The following LRP1 variants were observed in gnomAD, a reference collection of about 807,000 sequenced individuals.
LRP1 encodes the protein LDL receptor related protein 1.
In LRP1, 51 loss-of-function variants were observed where a neutral mutation model predicts 541.5. The ratio of observed to expected loss-of-function variants is 0.09; its 90% confidence interval spans 0.08 to 0.12. The LOEUF (loss-of-function observed/expected upper bound fraction) is 0.12. LRP1 is among the 10% of genes least tolerant of loss of function. LRP1 has a pLI of 1.00. For missense variants in LRP1, 3,878 were observed against 6,376.2 expected, an observed-to-expected ratio of 0.61 and a Z score of 13.34; for synonymous variants, 2,219 against 2,470.8, an observed-to-expected ratio of 0.90 and a Z score of 3.02.
chr12:57,129,815 G>A (rs879377690), intron 1 of LRP1, among the ~76,000 whole-genome samples: 1 of 152,172 alleles, frequency 6.6e-6, no homozygotes, highest in Non-Finnish European at 1.5e-5. Flanking sequence ...GTAGGAGGGT[G>A]GGGGAGGCTG....
At chr12:57,208,492 C>T (rs2036835670) in intron 77 of LRP1, 1 of 591,044 alleles carries the variant, frequency 1.7e-6, no homozygotes, top group Non-Finnish European at 3.0e-6. Flanking sequence ...ACAGCTCTGC[C>T]AGCGTCGGTG....
intron 3 of LRP1, among the ~76,000 whole-genome samples, chr12:57,143,123 G>A (rs1024581739): frequency 6.6e-6 from 1 of 152,140 alleles, no homozygotes; most frequent in African/African-American, 2.4e-5. Flanking sequence ...GATTAGAAAA[G>A]AATCCAGAGG....
chr12:57,184,360 C>T lies in LRP1; in HGVS notation c.6094C>T (p.Arg2032Cys), dbSNP rs750999147. 21 of 1,614,206 alleles carry T rather than the reference C, an allele frequency of 1.3e-5. No homozygotes were observed. The highest frequency in any genetic ancestry group is 1.8e-5 in the Non-Finnish European group (21 of 1,180,046). Reference sequence around the variant, plus strand: ...CTGGACTGAGTGGGGTCAGTATCCGCGTATTGAGCGGTCTCGGCTAGATGG... The same window carrying T: ...CTGGACTGAGTGGGGTCAGTATCCGTGTATTGAGCGGTCTCGGCTAGATGG... ...LFWTEWGQYP[R>C]IERSRLDGTE... The change falls in exon 38 of 89, where the codon CGT becomes TGT. Residue 2032 changes from arginine (R) to cysteine (C), a missense_variant. By Grantham distance (180) the Arg-to-Cys change is radical. This residue lies in a region of LRP1 where 1,100 missense variants were observed against 1,827.4 expected (regional missense o/e 0.60). Coordinates refer to ENST00000243077, the MANE Select transcript of LRP1 (RefSeq NM_002332.3). This position sits in a 1 kb window ranked among gnomAD's most constrained non-coding sequence, Gnocchi z 7.8.
chr12:57,176,747 A>G (rs569451076), intron 24 of LRP1, among the ~76,000 whole-genome samples: 2 of 152,292 alleles, frequency 1.3e-5, no homozygotes, highest in South Asian at 4.1e-4. Context: ...AGGCACACAC[A>G]TAATGTATTA....
Position 57,202,019 on chromosome 12 carries a change from C to CTGCTGGGCT in LRP1, c.10594+116_10594+124dup, listed in dbSNP as rs563325209. On this transcript the variant is annotated intron_variant, in intron 67 of 88. Coordinates refer to ENST00000243077, the MANE Select transcript of LRP1 (RefSeq NM_002332.3). ...GCTTACCGGTCTCAGCGTGGCCCTG[C>CTGCTGGGCT]TGCTGGGCTTCCTGGGCCTGCTGTG... The CTGCTGGGCT allele has an allele frequency of 6.7e-3, 9,416 of 1,403,706 alleles. 47 individuals carry two copies. Among genetic ancestry groups the CTGCTGGGCT allele is most frequent in the Middle Eastern group, 8.3e-3 (42 of 5,080 alleles). The allele number at this position is 1,403,706 out of a possible 1,614,324, so 87.0% of individuals were successfully genotyped here. A position where few individuals can be genotyped will look rare whatever the true frequency, so the allele number is the denominator to read the frequency against.
chr12:57,169,424 G>A, intron 20 of LRP1, 117 bp downstream of exon 20: 1 of 1,028,992 alleles, frequency 9.7e-7, no homozygotes, highest in East Asian at 2.7e-5. Flanking sequence ...GGAGCCAGAG[G>A]TAGCCTAGGC....
At position 57,179,734 on chromosome 12, in the gene LRP1, C is replaced by A; in HGVS notation, c.4967-48C>A. On this transcript the variant is annotated intron_variant, in intron 29 of 88. Transcript: ENST00000243077. The surrounding 1 kb of genome is among the most constrained non-coding windows in gnomAD (Gnocchi z 6.8). Reference sequence around the variant, plus strand: ...AGGCACACTGGCTCCCCTCCTGACCCACTGCCCTGCAGACACCCAACAACT... The same window carrying A: ...AGGCACACTGGCTCCCCTCCTGACCAACTGCCCTGCAGACACCCAACAACT... 6.4e-7 allele frequency: 1 copy of A among 1,573,860 alleles called. No homozygotes were observed. The highest frequency in any genetic ancestry group is 8.7e-7 in the Non-Finnish European group (1 of 1,149,360).
At chr12:57,200,133 C>A in intron 62 of LRP1, 108 bp downstream of exon 62, 1 of 926,074 alleles carries the variant, frequency 1.1e-6, no homozygotes, top group Non-Finnish European at 1.6e-6. Context: ...ATCTGGTTTT[C>A]CCACACTAAC....
At chr12:57,153,408 C>T (rs1041018004) in intron 6 of LRP1, among the ~76,000 whole-genome samples, 2 of 152,172 alleles carry the variant, frequency 1.3e-5, no homozygotes, top group Admixed American at 1.3e-4. Context: ...CAGCTGGGCT[C>T]CATCTCCTTC....
chr12:57,208,516 A>T (rs1485471185), intron 77 of LRP1, 195 bp from the exon 78 acceptor site: 1 of 591,422 alleles, frequency 1.7e-6, no homozygotes, highest in Non-Finnish European at 3.0e-6. Context: ...CTGAATGAGC[A>T]CACTGTGGTT....
Position 57,180,719 on chromosome 12 carries a change from C to A in LRP1, c.5439C>A (p.Ser1813Arg). The A allele has an allele frequency of 6.2e-7, 1 of 1,614,086 alleles. No individual in the cohort carries two copies. Among genetic ancestry groups the A allele is most frequent in the Non-Finnish European group, 8.5e-7 (1 of 1,179,930 alleles). Residue 1813 changes from serine to arginine, a missense_variant, in exon 33 of 89, where the codon AGC becomes AGA. Around this residue, in one of 13 missense-constraint regions of LRP1, gnomAD observed 394 missense variants for 635.9 expected, o/e 0.62. Transcript: ENST00000243077. ...TGTCGGAAAAGATGGGCACATGCAG[C>A]AAGGCTGACGGCTCGGGCTCCGTGG... ...DQVSEKMGTC[S>R]KADGSGSVVL...
In LRP1 at chr12:57,199,281, G is replaced by A; in HGVS notation, c.9746G>A (p.Trp3249Ter). 6.2e-7 allele frequency: 1 copy of A among 1,613,948 alleles called. No individual in the cohort carries two copies. Among genetic ancestry groups the A allele is most frequent in the Non-Finnish European group, 8.5e-7 (1 of 1,179,996 alleles). The change falls in exon 61 of 89, where the codon TGG (tryptophan) becomes TAG (stop). Residue 3249 changes from tryptophan to a stop codon, truncating the protein, a stop_gained. Coordinates refer to ENST00000243077, the MANE Select transcript of LRP1 (RefSeq NM_002332.3). LOFTEE classifies it high-confidence loss of function. ...GAGGACTACGTCTACTGGACCGACT[G>A]GGAAACAAAGTCCATTAACCGAGCC... is the stretch of plus-strand genomic sequence containing the variant. The part of the protein sequence containing the change: ...LFEDYVYWTD[W>*]ETKSINRAHK...
chr12:57,172,409 T>C (rs2035964072), intron 20 of LRP1, among the ~76,000 whole-genome samples: 1 of 152,200 alleles, frequency 6.6e-6, no homozygotes, highest in South Asian at 2.1e-4. Flanking sequence ...GACCTCGTGA[T>C]CCGCCCGCCT....
chr12:57,161,676 C>T (rs940650531), intron 13 of LRP1, among the ~76,000 whole-genome samples: 2 of 152,166 alleles, frequency 1.3e-5, no homozygotes, highest in African/African-American at 2.4e-5. Flanking sequence ...TCCCAGCACA[C>T]GTCACAGAGC....
Position 57,204,236 on chromosome 12 carries a change from A to T in LRP1, c.10952-174A>T, listed in dbSNP as rs1592660389. 38 of 706,146 alleles carry T rather than the reference A, an allele frequency of 5.4e-5. 1 individual carries two copies. In the South Asian group the frequency reaches 1.1e-3, roughly 20 times the overall value. The allele number at this position is 706,146 out of a possible 1,614,324, so 43.7% of individuals were successfully genotyped here. A position where few individuals can be genotyped will look rare whatever the true frequency, so the allele number is the denominator to read the frequency against. On this transcript the variant is annotated intron_variant, in intron 70 of 88. Coordinates refer to ENST00000243077, the MANE Select transcript of LRP1 (RefSeq NM_002332.3). This position sits in a 1 kb window ranked among gnomAD's most constrained non-coding sequence, Gnocchi z 5.3. Reference sequence around the variant, plus strand: ...TGAAAAATGGCCTCTTCTCCCCTAAATACCAGAGGGGGCAGTTTGGCCCCA... The same window carrying T: ...TGAAAAATGGCCTCTTCTCCCCTAATTACCAGAGGGGGCAGTTTGGCCCCA...
rs9669595 is a variant in LRP1 at position 57,201,283 on chromosome 12, G to A, written c.10345+130G>A. 0.33 allele frequency: 471,494 copies of A among 1,425,992 alleles called. 81,103 individuals are homozygous for A. Among genetic ancestry groups the A allele is most frequent in the African/African-American group, 0.5 (35,721 of 70,886 alleles). The allele number at this position is 1,425,992 out of a possible 1,614,324, so 88.3% of individuals were successfully genotyped here. ...ATGGGCAACACAAATTATATTGGGT[G>A]TAACTTGCTTTGCTCATAAAAATCA... On this transcript the variant is annotated intron_variant, in intron 65 of 88. Coordinates refer to ENST00000243077, the MANE Select transcript of LRP1 (RefSeq NM_002332.3). This position sits in a 1 kb window ranked among gnomAD's most constrained non-coding sequence, Gnocchi z 6.4.
chr12:57,157,340 G>A (rs1353609252), intron 10 of LRP1, among the ~76,000 whole-genome samples: 2 of 152,226 alleles, frequency 1.3e-5, no homozygotes, highest in Non-Finnish European at 2.9e-5. Flanking sequence ...GTCAGGCGTG[G>A]TGGCTTATGC....
chr12:57,163,042 G>T, intron 15 of LRP1, 59 bp downstream of exon 15: 2 of 1,538,376 alleles, frequency 1.3e-6, no homozygotes, highest in Non-Finnish European at 1.7e-6. Flanking sequence ...GGATGCCGAA[G>T]AGTGGGGAGG....
Position 57,210,836 on chromosome 12 carries a change from G to C in LRP1, c.12873G>C (p.Gln4291His), listed in dbSNP as rs780946674. ...CTGTCAACCAGGGCAACCAGCCCCA[G>C]TGCCGATGCCTACCCGGCTTCCTGG... ...TCTVNQGNQP[Q>H]CRCLPGFLGD... The change falls in exon 83 of 89, where the codon CAG becomes CAC. Residue 4291 changes from glutamine (Q) to histidine (H), a missense_variant. Physicochemically the swap from Gln to His is conservative, Grantham distance 24. Transcript: ENST00000243077. 2.2e-5 allele frequency: 36 copies of C among 1,613,244 alleles called. No individual in the cohort carries two copies. Among genetic ancestry groups the C allele is most frequent in the Non-Finnish European group, 3.0e-5 (35 of 1,179,722 alleles).
Sources: allele counts gnomAD v4.1 joint callset (sites outside exome capture counted in the v4.1 genomes callset), GRCh38; gene constraint gnomAD v4.1.1; regional missense constraint gnomAD v4.1.1; non-coding constraint Gnocchi (gnomAD v3.1); transcripts MANE v1.5; gene names NCBI Gene and HGNC (gene_info 2026-07-23, HGNC 2026-07-21).